Variants in AUTS2 observed in about 807,000 individuals in gnomAD.
AUTS2 encodes activator of transcription and developmental regulator AUTS2, also known as autism susceptibility gene 2 protein.
AUTS2 carries 17 observed loss-of-function variants against 112.4 expected under a neutral mutation model. The observed-to-expected ratio is 0.15, with a 90% CI of 0.10 to 0.23. The LOEUF is 0.23. AUTS2 is among the 10% of genes least tolerant of loss of function. The pLI is 1.00. For synonymous variants in AUTS2, 751 were observed against 702.7 expected, an observed-to-expected ratio of 1.07 and a Z score of -1.09; for missense variants, 1,510 against 1,701.6, an observed-to-expected ratio of 0.89 and a Z score of 1.98.
chr7:69,751,869 G>T (rs981754566), intron 1 of AUTS2, among the ~76,000 whole-genome samples: 6 of 152,236 alleles, frequency 3.9e-5, no homozygotes, highest in Non-Finnish European at 8.8e-5. Context: ...ATAGCTTGTA[G>T]TTAAAATAGT....
At chr7:69,829,692 C>T (rs1791413233) in intron 1 of AUTS2, among the ~76,000 whole-genome samples, 1 of 152,174 alleles carries the variant, frequency 6.6e-6, no homozygotes, top group South Asian at 2.1e-4. Context: ...GAGATGTCAT[C>T]TCATGCCAAG....
chr7:69,824,395 C>T (rs774194782), intron 1 of AUTS2, among the ~76,000 whole-genome samples: 3 of 149,658 alleles, frequency 2.0e-5, no homozygotes, highest in Admixed American at 6.7e-5. Context: ...GGTGACAGCG[C>T]GAGATTCTGT....
intron 2 of AUTS2, among the ~76,000 whole-genome samples, chr7:69,992,881 C>G (rs1475940597): frequency 6.6e-6 from 1 of 152,072 alleles, no homozygotes; most frequent in Non-Finnish European, 1.5e-5. Flanking sequence ...TGAGACCCAT[C>G]TCAGAAGGAG....
chr7:69,926,135 G>C (rs1019412552), intron 2 of AUTS2, among the ~76,000 whole-genome samples: 1 of 152,182 alleles, frequency 6.6e-6, no homozygotes. Context: ...ATTTTCTTCT[G>C]TAGTTGGTAG....
At chr7:69,656,320 G>A (rs1457103757) in intron 1 of AUTS2, among the ~76,000 whole-genome samples, 1 of 152,176 alleles carries the variant, frequency 6.6e-6, no homozygotes, top group Non-Finnish European at 1.5e-5. Flanking sequence ...GTGAATTCTC[G>A]AGTGGTATTA....
chr7:70,186,888 A>G (rs1809634766), intron 4 of AUTS2, among the ~76,000 whole-genome samples: 1 of 152,196 alleles, frequency 6.6e-6, no homozygotes. Flanking sequence ...AATTTTAATT[A>G]TTTAGCACTT....
intron 10 of AUTS2, among the ~76,000 whole-genome samples, chr7:70,770,122 TCAGTCTCCCCTG>T (rs1455282163): frequency 3.9e-5 from 6 of 152,224 alleles, no homozygotes; most frequent in Admixed American, 3.3e-4. Context: ...TATGAAGTAC[TCAGTCTCCCCTG>T]CTTTGGGGAT....
intron 5 of AUTS2, among the ~76,000 whole-genome samples, chr7:70,506,118 G>A (rs1270621765): frequency 4.6e-5 from 7 of 152,240 alleles, no homozygotes; most frequent in Non-Finnish European, 8.8e-5. Flanking sequence ...CATGATCCCT[G>A]GGGTGTCTTT....
At chr7:69,754,725 A>C (rs1362969872) in intron 1 of AUTS2, among the ~76,000 whole-genome samples, 1 of 152,214 alleles carries the variant, frequency 6.6e-6, no homozygotes, top group Non-Finnish European at 1.5e-5. Context: ...AGGAACTTTA[A>C]GTAATCTGCA....
At chr7:70,679,312 G>A (rs1376234388) in intron 5 of AUTS2, among the ~76,000 whole-genome samples, 1 of 152,208 alleles carries the variant, frequency 6.6e-6, no homozygotes, top group Non-Finnish European at 1.5e-5. Flanking sequence ...GAACGTTGTG[G>A]CCCATCCAAG....
At chr7:70,218,209 G>A (rs947717956) in intron 4 of AUTS2, among the ~76,000 whole-genome samples, 2 of 152,194 alleles carry the variant, frequency 1.3e-5, no homozygotes, top group Non-Finnish European at 2.9e-5. Context: ...ATCCACCAAG[G>A]GGGCAGTGAG....
intron 4 of AUTS2, among the ~76,000 whole-genome samples, chr7:70,405,522 T>C (rs1051552919): frequency 6.6e-6 from 1 of 152,374 alleles, no homozygotes; most frequent in Admixed American, 6.5e-5. Flanking sequence ...CTCCCAAGTG[T>C]TATCAGATTG....
intron 5 of AUTS2, among the ~76,000 whole-genome samples, chr7:70,486,453 T>G: frequency 6.6e-6 from 1 of 152,174 alleles, no homozygotes; most frequent in East Asian, 1.9e-4. Context: ...TAGTTGTTGT[T>G]TGGCCAGGCA....
At chr7:70,365,543 T>A (rs1433055849) in intron 4 of AUTS2, among the ~76,000 whole-genome samples, 2 of 152,220 alleles carry the variant, frequency 1.3e-5, no homozygotes, top group African/African-American at 4.8e-5. Flanking sequence ...GTTCATAGAC[T>A]CCTTCCATTC....
chr7:70,484,612 G>A (rs145209981), intron 5 of AUTS2, among the ~76,000 whole-genome samples: 1 of 152,314 alleles, frequency 6.6e-6, no homozygotes, highest in African/African-American at 2.4e-5. Context: ...GGATGAATGA[G>A]ACAGTAGATG....
intron 4 of AUTS2, among the ~76,000 whole-genome samples, chr7:70,215,599 T>A (rs1352856671): frequency 1.3e-5 from 2 of 152,118 alleles, no homozygotes; most frequent in African/African-American, 4.8e-5. Context: ...GGTAACTTAG[T>A]TGGCAGTGGG....
chr7:69,717,792 C>G lies in AUTS2; in HGVS notation c.309+117830C>G, dbSNP rs971587041. ...CTGTTTCTCTCATGCATCCCTACAC[C>G]CCCAATATATGCAGTGTCCTTGTTT... On this transcript the variant is annotated intron_variant, in intron 1 of 18. Transcript: ENST00000342771. Among the ~76,000 whole-genome samples the G allele has an allele frequency of 2.1e-4, 32 of 152,022 alleles. 1 individual carries two copies. The highest frequency in any genetic ancestry group is 2.0e-3 in the Admixed American group (30 of 15,254).
intron 5 of AUTS2, among the ~76,000 whole-genome samples, chr7:70,492,213 G>T (rs1213286872): frequency 2.0e-5 from 3 of 152,142 alleles, no homozygotes; most frequent in East Asian, 3.9e-4. Flanking sequence ...AGACCTGAGG[G>T]TCTCATTAGG....
chr7:70,171,356 A>C (rs927011803), intron 4 of AUTS2, among the ~76,000 whole-genome samples: 1 of 152,152 alleles, frequency 6.6e-6, no homozygotes, highest in African/African-American at 2.4e-5. Flanking sequence ...TCGCAGTTCT[A>C]TTCTGAGAGG....
Sources: gnomAD v4.1 joint callset for allele counts (sites outside exome capture counted in the v4.1 genomes callset) on GRCh38, gnomAD v4.1.1 for gene constraint, MANE v1.5 for transcripts, NCBI Gene and HGNC (gene_info 2026-07-23, HGNC 2026-07-21) for gene names.